Variants in EP300 observed in about 807,000 individuals in gnomAD.
EP300 encodes the protein histone acetyltransferase p300.
A neutral mutation model predicts 264.0 loss-of-function variants in EP300; 31 were observed. The ratio of observed to expected loss-of-function variants is 0.12; its 90% CI spans 0.09 to 0.16. The LOEUF (loss-of-function observed/expected upper bound fraction) is 0.16, where lower values mean the gene tolerates loss of function less well. EP300 is among the 10% of genes least tolerant of loss of function. EP300 has a pLI of 1.00. For missense variants in EP300, 2,766 were observed against 3,052.9 expected, an observed-to-expected ratio of 0.91 and a Z score of 2.21; for synonymous variants, 1,340 against 1,045.4, an observed-to-expected ratio of 1.28 and a Z score of -5.44.
intron 19 of EP300, 61 bp downstream of exon 19, chr22:41,158,561 G>A (rs2145749993): frequency 7.5e-7 from 1 of 1,325,460 alleles, no homozygotes; most frequent in South Asian, 1.2e-5. Context: ...AGTGCATGCG[G>A]ATGGGCCAGC....
intron 17 of EP300, among the ~76,000 whole-genome samples, chr22:41,156,494 G>T (rs1456457514): frequency 6.6e-6 from 1 of 152,170 alleles, no homozygotes; most frequent in African/African-American, 2.4e-5. Context: ...GCCAAGGCAG[G>T]CAGATCACTT....
rs1601639239 is a variant in EP300 at position 41,176,369 on chromosome 22, A to G, written c.4902A>G (p.Ala1634=). The change falls in exon 30 of 31, where the codon GCA becomes GCG. Residue 1634 remains alanine (A), a synonymous_variant. Transcript: ENST00000263253. ...MDGRDAFLTL[A]RDKHLEFSSL... ...GTCGGGATGCGTTTCTCACGCTGGCAAGGGACAAGCACCTGGAGTTCTCTT... is the reference window on the plus strand; with the variant it reads ...GTCGGGATGCGTTTCTCACGCTGGCGAGGGACAAGCACCTGGAGTTCTCTT... 1 of 1,614,192 alleles carries G rather than the reference A, an allele frequency of 6.2e-7. No homozygotes were observed. The highest frequency in any genetic ancestry group is 1.3e-5 in the African/African-American group (1 of 75,042).
Position 41,147,762 on chromosome 22 carries a change from A to G in EP300, c.2132-75A>G. ...CAAAAAAAAAAAAAGATACAGAATC[A>G]GACATAAGAATTCTATCTTTTATTA... On this transcript the variant is annotated intron_variant, in intron 11 of 30. Transcript: ENST00000263253. 7.6e-6 allele frequency: 8 copies of G among 1,059,122 alleles called. No homozygotes were observed. In the South Asian group the frequency reaches 1.0e-4, roughly 13 times the overall value. The allele number at this position is 1,059,122 out of a possible 1,614,324, so 65.6% of individuals were successfully genotyped here. A position where few individuals can be genotyped will look rare whatever the true frequency, so the allele number is the denominator to read the frequency against.
chr22:41,147,503 T>C (rs965928172), intron 11 of EP300, among the ~76,000 whole-genome samples: 46 of 152,076 alleles, frequency 3.0e-4, no homozygotes, highest in African/African-American at 1.1e-3. Flanking sequence ...TTTGGGAGGC[T>C]GAGGCGGGCA....
At chr22:41,134,299 G>A (rs187120025) in intron 6 of EP300, among the ~76,000 whole-genome samples, 5 of 151,672 alleles carry the variant, frequency 3.3e-5, no homozygotes, top group African/African-American at 1.2e-4. Context: ...ACGTACGTGT[G>A]TGTTTGAGTT....
intron 8 of EP300, among the ~76,000 whole-genome samples, chr22:41,139,457 A>C (rs982342352): frequency 6.6e-6 from 1 of 152,192 alleles, no homozygotes; most frequent in African/African-American, 2.4e-5. Context: ...TATATGCTCG[A>C]GTTTTCTACC....
chr22:41,178,833 T>C lies in EP300; in HGVS notation c.7122T>C (p.Ser2374=). The change falls in exon 31 of 31, where the codon TCT becomes TCC. Residue 2374 remains serine (S), a synonymous_variant. Transcript: ENST00000263253. ...GCCCGGACCAGAATTCAATGCTTTCTCAGCTTGCTAGCAATCCAGGCATGG... is the reference window on the plus strand; with the variant it reads ...GCCCGGACCAGAATTCAATGCTTTCCCAGCTTGCTAGCAATCCAGGCATGG... The part of the protein sequence containing the change: ...FASPDQNSML[S]QLASNPGMAN... 9 of 1,614,206 alleles carry C rather than the reference T, an allele frequency of 5.6e-6. No individual in the cohort carries two copies. The highest frequency in any genetic ancestry group is 6.8e-6 in the Non-Finnish European group (8 of 1,180,046).
At chr22:41,112,643 TTTC>T (rs1482688932) in intron 1 of EP300, among the ~76,000 whole-genome samples, 1 of 152,244 alleles carries the variant, frequency 6.6e-6, no homozygotes, top group African/African-American at 2.4e-5. Flanking sequence ...AAGAGTCTTG[TTTC>T]TGTGTCCATG....
rs754513034 is a variant in EP300 at position 41,176,284 on chromosome 22, C to T, written c.4817C>T (p.Ala1606Val). 3.7e-6 allele frequency: 6 copies of T among 1,614,202 alleles called. No individual in the cohort carries two copies. In the East Asian group the frequency reaches 1.3e-4, roughly 36 times the overall value. Residue 1606 changes from alanine (A) to valine (V), a missense_variant, in exon 30 of 31, where the codon GCC (alanine) becomes GTC (valine). Physicochemically the swap from Ala to Val is moderately conservative, Grantham distance 64. Coordinates refer to ENST00000263253, the MANE Select transcript of EP300 (RefSeq NM_001429.4). ...FVIRLIAGPA[A>V]NSLPPIVDPD... ...ATCCGCCTCATTGCTGGCCCTGCTG[C>T]CAACTCCCTGCCTCCCATTGTTGAT...
intron 6 of EP300, among the ~76,000 whole-genome samples, chr22:41,132,851 T>C (rs1210814118): frequency 6.6e-6 from 1 of 152,206 alleles, no homozygotes; most frequent in Non-Finnish European, 1.5e-5. Flanking sequence ...GGGATATATA[T>C]GTTTCTCTGA....
At chr22:41,167,825 T>G (rs1601632413) in intron 23 of EP300, among the ~76,000 whole-genome samples, 9 of 33,808 alleles carry the variant, frequency 2.7e-4, no homozygotes, top group East Asian at 1.6e-3. Context: ...TTTTTTTTTT[T>G]GTTTTTTTTT....
intron 2 of EP300, among the ~76,000 whole-genome samples, chr22:41,119,175 ATTTTTT>A (rs1159365617): frequency 6.2e-5 from 7 of 112,992 alleles, no homozygotes; most frequent in African/African-American, 1.6e-4. Flanking sequence ...GCTTATTATT[ATTTTTT>A]TTTTTTTTTT....
chr22:41,105,431 C>T (rs554631301), intron 1 of EP300, among the ~76,000 whole-genome samples: 55 of 151,360 alleles, frequency 3.6e-4, no homozygotes, highest in Non-Finnish European at 6.9e-4. Flanking sequence ...TGGAGTCTCA[C>T]TCTGTCATCC....
chr22:41,152,042 G>A (rs2059049086), intron 15 of EP300, 30 bp downstream of exon 15: 1 of 1,613,048 alleles, frequency 6.2e-7, no homozygotes, highest in Admixed American at 1.7e-5. Flanking sequence ...TGTTTGATTT[G>A]GTTAGGACCT....
intron 22 of EP300, among the ~76,000 whole-genome samples, chr22:41,165,321 A>G (rs997963889): frequency 6.6e-6 from 1 of 152,224 alleles, no homozygotes; most frequent in Non-Finnish European, 1.5e-5. Flanking sequence ...TTTGAATAGT[A>G]TGACAGTTTA....
intron 10 of EP300, among the ~76,000 whole-genome samples, chr22:41,143,994 G>A (rs1027702083): frequency 2.6e-5 from 4 of 152,224 alleles, no homozygotes; most frequent in East Asian, 1.9e-4. Context: ...CTTATGTAAC[G>A]TGTACCATCT....
At chr22:41,153,081 T>G (rs1419502597) in intron 16 of EP300, among the ~76,000 whole-genome samples, 1 of 152,170 alleles carries the variant, frequency 6.6e-6, no homozygotes, top group African/African-American at 2.4e-5. Flanking sequence ...ACAACAGCTC[T>G]GAGGTTATTG....
At position 41,179,876 on chromosome 22, in the gene EP300, CCACT is replaced by C. The variant is rs201838162; in HGVS notation, c.*924_*927del. On this transcript the variant is annotated 3_prime_UTR_variant, in exon 31 of 31. Coordinates refer to ENST00000263253, the MANE Select transcript of EP300 (RefSeq NM_001429.4). ...GCTTTCTTCCTCCTTACCCTACCCC[CCACT>C]CACACACACACACACACACACACAC... 1.3e-3 allele frequency: 165 copies of C among 131,454 alleles called. 4 individuals carry two copies. Among genetic ancestry groups the C allele is most frequent in the Middle Eastern group, 0.01 (6 of 588 alleles). The allele number at this position is 131,454 out of a possible 1,614,324, so 8.1% of individuals were successfully genotyped here. A position where few individuals can be genotyped will look rare whatever the true frequency, so the allele number is the denominator to read the frequency against.
chr22:41,166,971 T>C (rs1393328702), intron 23 of EP300, among the ~76,000 whole-genome samples: 1 of 152,220 alleles, frequency 6.6e-6, no homozygotes, highest in Non-Finnish European at 1.5e-5. Context: ...TTGGCCGGAA[T>C]TGCCATCTCT....
Sources: gnomAD v4.1 joint callset for allele counts (sites outside exome capture counted in the v4.1 genomes callset) on GRCh38, gnomAD v4.1.1 for gene constraint, MANE v1.5 for transcripts, NCBI Gene and HGNC (gene_info 2026-07-23, HGNC 2026-07-21) for gene names.